The following ANO2 variants were observed in gnomAD, a reference collection of about 807,000 sequenced individuals.
ANO2 encodes the protein anoctamin 2.
Under a neutral mutation model 124.2 loss-of-function variants are expected in ANO2, and 101 were observed. The observed-to-expected ratio is 0.81, with a 90% CI of 0.69 to 0.96. The LOEUF (loss-of-function observed/expected upper bound fraction) is 0.96. Among genes scored for constraint, ANO2 ranks in the 40% least tolerant of loss-of-function variants. ANO2 has a pLI of 0.00. For missense variants in ANO2, 1,293 were observed against 1,274.5 expected (o/e 1.01, Z -0.22); for synonymous variants, 486 against 482.5 (o/e 1.01, Z -0.09).
chr12:5,827,813 T>C lies in ANO2; in HGVS notation c.848A>G (p.Glu283Gly). ...GGAGCAGGCTGTGCGCTTCAGGATCTCGTGCACCTAAAAGGGGACGACAGC... is the reference window on the plus strand; with the variant it reads ...GGAGCAGGCTGTGCGCTTCAGGATCCCGTGCACCTAAAAGGGGACGACAGC... ...DNATRSRIVH[E>G]ILKRTACSRA... Residue 283 changes from glutamate (E) to glycine (G), a missense_variant, in exon 7 of 25, where the codon GAG becomes GGG. Transcript: ENST00000682330. 1 of 1,611,194 alleles carries C rather than the reference T, an allele frequency of 6.2e-7. No individual in the cohort carries two copies. Among genetic ancestry groups the C allele is most frequent in the Non-Finnish European group, 8.5e-7 (1 of 1,178,888 alleles).
chr12:5,771,428 G>A (rs1356568088), intron 10 of ANO2, among the ~76,000 whole-genome samples: 1 of 152,082 alleles, frequency 6.6e-6, no homozygotes, highest in Non-Finnish European at 1.5e-5. Context: ...CTTAAAAAGT[G>A]TTATCATTTA....
chr12:5,777,365 T>C (rs1952262264), intron 10 of ANO2, among the ~76,000 whole-genome samples: 1 of 152,136 alleles, frequency 6.6e-6, no homozygotes, highest in East Asian at 1.9e-4. Context: ...ATGTTGATGA[T>C]ACAGAGAAAG....
chr12:5,840,987 C>T (rs1954495436), intron 4 of ANO2, among the ~76,000 whole-genome samples: 1 of 152,102 alleles, frequency 6.6e-6, no homozygotes. Context: ...TGCAAGTCAC[C>T]AGCTGGGCAA....
At chr12:5,830,268 G>A (rs1009444295) in intron 6 of ANO2, among the ~76,000 whole-genome samples, 167 bp downstream of exon 6, 6 of 152,138 alleles carry the variant, frequency 3.9e-5, no homozygotes, top group Non-Finnish European at 8.8e-5. Context: ...GTTATTTGCT[G>A]TTTCTTTTGG....
At chr12:5,689,771 G>A (rs1476345107) in intron 14 of ANO2, among the ~76,000 whole-genome samples, 1 of 152,130 alleles carries the variant, frequency 6.6e-6, no homozygotes, top group African/African-American at 2.4e-5. Context: ...TCTTCCCTGT[G>A]GCTCAGCTTA....
At chr12:5,930,308 T>C (rs1011124398) in intron 1 of ANO2, among the ~76,000 whole-genome samples, 5 of 152,178 alleles carry the variant, frequency 3.3e-5, no homozygotes, top group African/African-American at 1.2e-4. Flanking sequence ...AGATGTGAAA[T>C]ACTGCACGTA....
chr12:5,671,099 G>A (rs1947977193), intron 14 of ANO2, among the ~76,000 whole-genome samples: 1 of 152,200 alleles, frequency 6.6e-6, no homozygotes, highest in Admixed American at 6.5e-5. Context: ...CCTCAAGGTA[G>A]AGGTTTGTGT....
At chr12:5,723,797 A>G (rs11063836) in intron 14 of ANO2, among the ~76,000 whole-genome samples, 20,931 of 152,202 alleles carry the variant, frequency 0.14, 1,640 homozygotes, top group Admixed American at 0.22. Context: ...AGGGAGCTAC[A>G]TGTCCCCTGA....
In ANO2 at chr12:5,827,750, C is replaced by T. The variant is rs765019005; in HGVS notation, c.892+19G>A. 1.9e-6 allele frequency: 3 copies of T among 1,605,786 alleles called. No homozygotes were observed. Among genetic ancestry groups the T allele is most frequent in the Admixed American group, 3.4e-5 (2 of 59,086 alleles). ...CCTCAGCGCCCGTCAGCACCCTGCCCGCGGGCTGGGGTCCTTACCCATCGT... is the reference window on the plus strand; with the variant it reads ...CCTCAGCGCCCGTCAGCACCCTGCCTGCGGGCTGGGGTCCTTACCCATCGT... On this transcript the variant is annotated intron_variant, in intron 7 of 24. Transcript: ENST00000682330.
chr12:5,671,280 G>A (rs1947988274), intron 14 of ANO2, among the ~76,000 whole-genome samples: 1 of 151,998 alleles, frequency 6.6e-6, no homozygotes, highest in African/African-American at 2.4e-5. Context: ...CACTGGGCAG[G>A]CATTGCTGAA....
chr12:5,588,501 C>T (rs1943234763), intron 20 of ANO2, among the ~76,000 whole-genome samples: 1 of 152,174 alleles, frequency 6.6e-6, no homozygotes, highest in Non-Finnish European at 1.5e-5. Flanking sequence ...TTACCCTGGG[C>T]CTCTTGGCTT....
chr12:5,812,856 AGAAG>A (rs1323059655), intron 7 of ANO2, among the ~76,000 whole-genome samples: 2 of 105,538 alleles, frequency 1.9e-5, no homozygotes, highest in Non-Finnish European at 4.4e-5. Context: ...GGAGAAGGAC[AGAAG>A]GAAGGAAGGA....
chr12:5,692,006 G>T (rs1447340272), intron 14 of ANO2, among the ~76,000 whole-genome samples: 1 of 152,138 alleles, frequency 6.6e-6, no homozygotes, highest in Non-Finnish European at 1.5e-5. Flanking sequence ...GCTATAATGG[G>T]GAAAGTCTCT....
At chr12:5,652,096 T>C (rs575097055) in intron 14 of ANO2, among the ~76,000 whole-genome samples, 1 of 152,366 alleles carries the variant, frequency 6.6e-6, no homozygotes, top group East Asian at 1.9e-4. Flanking sequence ...TAGGTTTTCA[T>C]TTCCCTTGGA....
chr12:5,773,641 T>TC (rs1182896062), intron 10 of ANO2, among the ~76,000 whole-genome samples: 1 of 152,204 alleles, frequency 6.6e-6, no homozygotes, highest in East Asian at 1.9e-4. Flanking sequence ...TCACAATCTT[T>TC]CTAGCTTAAG....
chr12:5,711,157 C>CAAAAA (rs200477878), intron 14 of ANO2, among the ~76,000 whole-genome samples: 1 of 92,824 alleles, frequency 1.1e-5, no homozygotes. Flanking sequence ...GACTCTGTCT[C>CAAAAA]AAAAAAAAAA....
chr12:5,630,817 AC>A (rs1164002824), intron 16 of ANO2, among the ~76,000 whole-genome samples: 1 of 152,222 alleles, frequency 6.6e-6, no homozygotes, highest in Non-Finnish European at 1.5e-5. Context: ...AGTGACAGAG[AC>A]TTTTCCTGCT....
chr12:5,732,580 C>T lies in ANO2; in HGVS notation c.1485G>A (p.Lys495=). ...TCTGGACAGCAGACTGGTTGCTCTC[C>T]TTTAGCATTTTCTCTCGAACTTTGG... ...YETKVREKML[K]ESNQSAVQKL... The change falls in exon 14 of 25, where the codon AAG becomes AAA. Residue 495 remains lysine, a synonymous_variant. Coordinates refer to ENST00000682330, the MANE Select transcript of ANO2 (RefSeq NM_001364791.2). The T allele has an allele frequency of 6.2e-7, 1 of 1,613,952 alleles. No individual in the cohort carries two copies. Among genetic ancestry groups the T allele is most frequent in the Non-Finnish European group, 8.5e-7 (1 of 1,179,882 alleles).
intron 1 of ANO2, among the ~76,000 whole-genome samples, chr12:5,923,043 CACGCACACACACCCACATACACA>C: frequency 7.2e-6 from 1 of 139,422 alleles, no homozygotes; most frequent in Non-Finnish European, 1.6e-5. Flanking sequence ...CACACACATG[CACGCACACACACCCACATACACA>C]CACACATGCA....
Sources: allele counts gnomAD v4.1 joint callset (sites outside exome capture counted in the v4.1 genomes callset), GRCh38; gene constraint gnomAD v4.1.1; transcripts MANE v1.5; gene names NCBI Gene and HGNC (gene_info 2026-07-23, HGNC 2026-07-21).